The following CTNNA2 variants were observed in gnomAD, a reference collection of about 807,000 sequenced individuals.
CTNNA2 encodes catenin alpha-2.
CTNNA2 carries 42 observed loss-of-function variants against 101.0 expected under a neutral mutation model. The observed-to-expected ratio is 0.42, with a 90% CI of 0.32 to 0.54. The LOEUF is 0.54. Among genes scored for constraint, CTNNA2 ranks in the 20% least tolerant of loss-of-function variants. The pLI is 0.14. For missense variants in CTNNA2, 871 were observed against 1,223.1 expected (o/e 0.71, Z 4.29); for synonymous variants, 450 against 456.4 (o/e 0.99, Z 0.18).
chr2:79,779,282 C>T (rs151075085), intron 3 of CTNNA2, among the ~76,000 whole-genome samples: 17 of 152,250 alleles, frequency 1.1e-4, no homozygotes, highest in African/African-American at 4.1e-4. Flanking sequence ...CTGGAGTATC[C>T]AAGGGTGACT....
intron 7 of CTNNA2, among the ~76,000 whole-genome samples, chr2:80,006,534 G>T (rs1279363578): frequency 6.6e-6 from 1 of 151,990 alleles, no homozygotes; most frequent in Non-Finnish European, 1.5e-5. Flanking sequence ...TGGTCAGGCT[G>T]GTCTCGAACT....
At chr2:79,910,843 T>C (rs1685742951) in intron 7 of CTNNA2, among the ~76,000 whole-genome samples, 1 of 152,196 alleles carries the variant, frequency 6.6e-6, no homozygotes, top group African/African-American at 2.4e-5. Context: ...CTAACAGACA[T>C]GCAAGCAAGG....
intron 1 of CTNNA2, among the ~76,000 whole-genome samples, chr2:79,592,912 A>G (rs1676953401): frequency 6.6e-6 from 1 of 152,146 alleles, no homozygotes; most frequent in South Asian, 2.1e-4. Flanking sequence ...TCAGAGGTAA[A>G]TTCAGTGATG....
chr2:79,869,032 A>G (rs746221499), intron 4 of CTNNA2, among the ~76,000 whole-genome samples: 1 of 152,206 alleles, frequency 6.6e-6, no homozygotes, highest in Non-Finnish European at 1.5e-5. Context: ...TATTGAAGTT[A>G]AGATCATTGT....
chr2:80,208,860 G>A (rs77237822), intron 7 of CTNNA2, among the ~76,000 whole-genome samples: 1 of 152,122 alleles, frequency 6.6e-6, no homozygotes, highest in African/African-American at 2.4e-5. Flanking sequence ...AGCCCCTGAT[G>A]TTAATTGAAA....
At position 79,438,569 on chromosome 2, in the gene CTNNA2, G is replaced by A. The variant is rs576260975; in HGVS notation, c.-135+64556G>A. On this transcript the variant is annotated intron_variant, in intron 4 of 21. Transcript: ENST00000466387. ...GTTTAGTAGCATCCTTGGCCTCTAC[G>A]CACTAGATGCCAGTAGGACTCCCCC... Among the ~76,000 whole-genome samples the A allele has an allele frequency of 3.9e-5, 6 of 152,172 alleles. No individual in the cohort carries two copies. In the South Asian group the frequency reaches 8.3e-4, roughly 21 times the overall value.
intron 7 of CTNNA2, among the ~76,000 whole-genome samples, chr2:80,210,717 T>C (rs1007245890): frequency 6.6e-6 from 1 of 152,224 alleles, no homozygotes; most frequent in Non-Finnish European, 1.5e-5. Context: ...ATATAATCCT[T>C]TGGGTATATA....
At chr2:79,736,213 T>C (rs10520250) in intron 2 of CTNNA2, among the ~76,000 whole-genome samples, 2,793 of 152,272 alleles carry the variant, frequency 0.018, 79 homozygotes, top group East Asian at 0.11. Context: ...CATACATATA[T>C]CTTTAAATCT....
rs184339700 is a variant in CTNNA2, at chr2:79,688,868, A to G, written c.102+37210A>G. On this transcript the variant is annotated intron_variant, in intron 2 of 18. Transcript: ENST00000402739. ...AATTATCCCAAATGTAGTGTTCTGA[A>G]ACTATTTTCTATGGTTTATAAATTT... 5.9e-5 allele frequency among the ~76,000 whole-genome samples: 9 copies of G among 152,110 alleles called. No individual in the cohort carries two copies. In the East Asian group the frequency reaches 1.6e-3, roughly 26 times the overall value.
intron 7 of CTNNA2, among the ~76,000 whole-genome samples, chr2:80,263,013 C>A (rs1672734318): frequency 6.6e-6 from 1 of 152,106 alleles, no homozygotes; most frequent in South Asian, 2.1e-4. Context: ...ATTATGTAAT[C>A]TGGCCCTCGG....
chr2:79,524,875 G>C (rs1010375235), intron 1 of CTNNA2: 2 of 149,116 alleles, frequency 1.3e-5, no homozygotes, highest in Non-Finnish European at 3.0e-5. Context: ...AATTTACTTG[G>C]CACTTTTATA....
chr2:80,501,157 G>A (rs1167498336), intron 9 of CTNNA2, among the ~76,000 whole-genome samples: 1 of 152,162 alleles, frequency 6.6e-6, no homozygotes, highest in Non-Finnish European at 1.5e-5. Flanking sequence ...GCATAATGCC[G>A]ATACAAGGAT....
chr2:79,508,106 C>T (rs1671453403), upstream of CTNNA2, among the ~76,000 whole-genome samples: 1 of 152,142 alleles, frequency 6.6e-6, no homozygotes, highest in African/African-American at 2.4e-5. Context: ...TGTGCTATTC[C>T]TCTGGTCACA....
chr2:80,267,673 A>G (rs1265854534), intron 7 of CTNNA2, among the ~76,000 whole-genome samples: 1 of 152,200 alleles, frequency 6.6e-6, no homozygotes, highest in Non-Finnish European at 1.5e-5. Context: ...TGGTCTGGGG[A>G]CCTGGAAAAG....
intron 7 of CTNNA2, among the ~76,000 whole-genome samples, chr2:80,115,599 G>A (rs935266105): frequency 1.3e-5 from 2 of 152,218 alleles, no homozygotes; most frequent in African/African-American, 4.8e-5. Context: ...GAGAGGGGGA[G>A]ACGGGGAGAG....
chr2:80,421,485 T>C (rs888492223), intron 9 of CTNNA2, among the ~76,000 whole-genome samples: 1 of 152,192 alleles, frequency 6.6e-6, no homozygotes, highest in African/African-American at 2.4e-5. Context: ...CTCATTCTCC[T>C]TTCTCCTGTG....
rs988147415 is a variant in CTNNA2 at position 80,114,251 on chromosome 2, C to T, written c.1056+204454C>T. Among the ~76,000 whole-genome samples the T allele has an allele frequency of 9.9e-5, 15 of 152,242 alleles. No homozygotes were observed. The East Asian group carries it at 2.1e-3, about 22-fold the overall frequency. On this transcript the variant is annotated intron_variant, in intron 7 of 18. Transcript: ENST00000402739. ...ATACCCTCTTTTATGCAATAGGAAT[C>T]GGTTGGGTTCCTGAATGGGAAAACT...
At chr2:79,877,682 C>T (rs1683130091) in intron 6 of CTNNA2, among the ~76,000 whole-genome samples, 1 of 152,080 alleles carries the variant, frequency 6.6e-6, no homozygotes, top group Non-Finnish European at 1.5e-5. Flanking sequence ...CTGTGGTTTA[C>T]TTTTCTGGCA....
chr2:79,471,075 G>A (rs986793939), intron 4 of CTNNA2, among the ~76,000 whole-genome samples: 1 of 152,126 alleles, frequency 6.6e-6, no homozygotes, highest in African/African-American at 2.4e-5. Context: ...ATGGCATAAT[G>A]AAATTTTTAT....
Sources: gnomAD v4.1 joint callset for allele counts (sites outside exome capture counted in the v4.1 genomes callset) on GRCh38, gnomAD v4.1.1 for gene constraint, MANE v1.5 for transcripts, NCBI Gene and HGNC (gene_info 2026-07-23, HGNC 2026-07-21) for gene names.